The following CAPN14 variants were observed in gnomAD, a reference collection of about 807,000 sequenced individuals.
CAPN14 encodes the protein calpain-14.
Under a neutral mutation model 101.3 loss-of-function variants are expected in CAPN14, and 94 were observed. The ratio of observed to expected loss-of-function variants is 0.93; its 90% CI spans 0.79 to 1.10. The LOEUF is 1.10. Ranked by LOEUF, CAPN14 falls within the 50% of genes least tolerant of loss-of-function variation. The pLI, the probability that CAPN14 is intolerant of heterozygous loss-of-function variation, is 0.00. For missense variants in CAPN14, 837 were observed against 828.4 expected, an observed-to-expected ratio of 1.01 and a Z score of -0.13; for synonymous variants, 338 against 317.9, an observed-to-expected ratio of 1.06 and a Z score of -0.67.
At chr2:31,192,330 C>T (rs1254119209) in intron 10 of CAPN14, among the ~76,000 whole-genome samples, 2 of 152,152 alleles carry the variant, frequency 1.3e-5, no homozygotes, top group African/African-American at 2.4e-5. Flanking sequence ...ACCACTGTAG[C>T]CTTTGTCTTG....
chr2:31,233,144 C>T (rs1477468093), intron 1 of CAPN14, among the ~76,000 whole-genome samples: 6 of 152,130 alleles, frequency 3.9e-5, no homozygotes, highest in Non-Finnish European at 2.9e-5. Flanking sequence ...AGAACTTAGC[C>T]CAGGCCCCTG....
chr2:31,189,618 C>G (rs765734963), intron 12 of CAPN14, 140 bp from the exon 13 acceptor site: 8 of 737,072 alleles, frequency 1.1e-5, no homozygotes, highest in Non-Finnish European at 1.7e-5. Flanking sequence ...GAGGATGAAA[C>G]AAGTGGGGAG....
chr2:31,209,465 G>A (rs551688754), intron 1 of CAPN14, among the ~76,000 whole-genome samples: 104 of 152,178 alleles, frequency 6.8e-4, no homozygotes, highest in South Asian at 3.9e-3. Context: ...GCCTTTGAAC[G>A]CTAACTAGCT....
intron 12 of CAPN14, among the ~76,000 whole-genome samples, chr2:31,190,947 A>T (rs1681147191): frequency 6.6e-6 from 1 of 152,168 alleles, no homozygotes; most frequent in South Asian, 2.1e-4. Context: ...TGCTCCTGCC[A>T]CATGTCCCCA....
intron 17 of CAPN14, among the ~76,000 whole-genome samples, chr2:31,179,473 AG>A (rs1366711357): frequency 6.6e-6 from 1 of 152,178 alleles, no homozygotes; most frequent in East Asian, 1.9e-4. Flanking sequence ...TCTATCATTG[AG>A]GGACATTTGG....
upstream of CAPN14, among the ~76,000 whole-genome samples, chr2:31,221,869 C>A (rs951401288): frequency 1.3e-5 from 2 of 152,200 alleles, no homozygotes; most frequent in Non-Finnish European, 2.9e-5. Flanking sequence ...TTGAAGTCAG[C>A]AGCACCCCAG....
intron 1 of CAPN14, among the ~76,000 whole-genome samples, chr2:31,211,183 CAGAAAGAAAGAAAAA>C (rs920258764): frequency 5.0e-5 from 6 of 119,408 alleles, no homozygotes; most frequent in South Asian, 2.7e-4. Context: ...GCCAATAAAA[CAGAAAGAAAGAAAAA>C]AGAAAGAAAG....
chr2:31,187,948 C>T (rs1680989522), intron 14 of CAPN14, 134 bp from the exon 15 acceptor site: 1 of 734,120 alleles, frequency 1.4e-6, no homozygotes, highest in African/African-American at 1.8e-5. Context: ...TAATTTTACA[C>T]CATAGCATTT....
chr2:31,183,839 T>TTCCCTCCC (rs1295250631), intron 16 of CAPN14, among the ~76,000 whole-genome samples: 38 of 144,306 alleles, frequency 2.6e-4, no homozygotes, highest in African/African-American at 8.3e-4. Context: ...TCTCTCCTTC[T>TTCCCTCCC]TCCCTCCCTC....
intron 16 of CAPN14, among the ~76,000 whole-genome samples, chr2:31,182,729 A>G (rs1030075146): frequency 2.0e-5 from 3 of 150,346 alleles, no homozygotes; most frequent in Non-Finnish European, 4.4e-5. Flanking sequence ...ATGGGTTGGA[A>G]GAATCAATAT....
chr2:31,197,972 C>A (rs1355142929), intron 7 of CAPN14, among the ~76,000 whole-genome samples: 1 of 150,636 alleles, frequency 6.6e-6, no homozygotes, highest in Admixed American at 6.7e-5. Context: ...TGTTTTCAAG[C>A]TCCCCTGCCC....
intron 17 of CAPN14, among the ~76,000 whole-genome samples, chr2:31,178,977 A>G (rs992168245): frequency 2.6e-5 from 4 of 151,514 alleles, no homozygotes; most frequent in Admixed American, 2.6e-4. Flanking sequence ...ACACCTAAAC[A>G]TAAACAAATT....
intron 1 of CAPN14, among the ~76,000 whole-genome samples, chr2:31,207,111 G>C (rs1237636295): frequency 6.6e-6 from 1 of 152,182 alleles, no homozygotes; most frequent in Non-Finnish European, 1.5e-5. Flanking sequence ...GTTTGGGACA[G>C]AATGTACATG....
At chr2:31,201,170 C>T (rs1038833565) in intron 5 of CAPN14, among the ~76,000 whole-genome samples, 54 of 142,264 alleles carry the variant, frequency 3.8e-4, no homozygotes, top group African/African-American at 6.6e-4. Context: ...TATGTGTGTG[C>T]GTGCATGTAT....
intron 1 of CAPN14, among the ~76,000 whole-genome samples, chr2:31,207,410 T>C (rs1305476710): frequency 6.6e-6 from 1 of 152,214 alleles, no homozygotes; most frequent in African/African-American, 2.4e-5. Flanking sequence ...TCATAGAAAT[T>C]TAATGAAAAT....
rs552560262 is a variant in CAPN14, at chr2:31,186,354, A to G, written c.1645+74T>C. 120 of 1,057,608 alleles carry G rather than the reference A, an allele frequency of 1.1e-4. 1 individual carries two copies. The South Asian group carries it at 1.8e-3, about 16-fold the overall frequency. The allele number at this position is 1,057,608 out of a possible 1,614,324, so 65.5% of individuals were successfully genotyped here. ...AGTAATTCACACATCCCACCAAGGG[A>G]AAGAGAAACAAAGCCAGAGTTTAGA... On this transcript the variant is annotated intron_variant, in intron 16 of 21. Coordinates refer to ENST00000403897, the MANE Select transcript of CAPN14 (RefSeq NM_001145122.2).
At chr2:31,209,591 C>T (rs546531466) in intron 1 of CAPN14, among the ~76,000 whole-genome samples, 2 of 152,140 alleles carry the variant, frequency 1.3e-5, no homozygotes, top group Admixed American at 1.3e-4. Flanking sequence ...TCCTGATAAC[C>T]CTCTGCCTAT....
chr2:31,174,241 C>T lies in CAPN14; in HGVS notation c.*440G>A, dbSNP rs942455624. On this transcript the variant is annotated 3_prime_UTR_variant, in exon 22 of 22. Transcript: ENST00000403897. ...ATTTGCAGATGCTGGGACTAAATGT[C>T]TAAGGATATATCATTCCCATTTCAG... is the stretch of plus-strand genomic sequence containing the variant. 4.8e-6 allele frequency: 1 copy of T among 206,920 alleles called. No homozygotes were observed. The highest frequency in any genetic ancestry group is 9.6e-6 in the Non-Finnish European group (1 of 103,716). The allele number at this position is 206,920 out of a possible 1,614,324, so 12.8% of individuals were successfully genotyped here. A position where few individuals can be genotyped will look rare whatever the true frequency, so the allele number is the denominator to read the frequency against.
Position 31,193,211 on chromosome 2 carries a change from GCCGCCT to G in CAPN14, c.1028_1033del (p.Glu343_Ala344del). 4 of 1,551,648 alleles carry G rather than the reference GCCGCCT, an allele frequency of 2.6e-6. No individual in the cohort carries two copies. Among genetic ancestry groups the G allele is most frequent in the Non-Finnish European group, 3.5e-6 (4 of 1,147,016 alleles). On this transcript the variant is annotated inframe_deletion, in exon 10 of 22. Transcript: ENST00000403897. ...CCGCATGGTGTACGTCCACTTCTGG[GCCGCCT>G]CCTGGCTCAACAGGCCTGGGGTCAG...
Sources: allele counts gnomAD v4.1 joint callset (sites outside exome capture counted in the v4.1 genomes callset), GRCh38; gene constraint gnomAD v4.1.1; transcripts MANE v1.5; gene names NCBI Gene and HGNC (gene_info 2026-07-23, HGNC 2026-07-21).